THSD7B: variants seen among roughly 807,000 people sequenced by gnomAD.
THSD7B encodes the protein thrombospondin type 1 domain containing 7B.
Under a neutral mutation model 213.6 loss-of-function variants are expected in THSD7B, and 138 were observed. The observed-to-expected ratio is 0.65, with a 90% confidence interval of 0.56 to 0.74. The LOEUF is 0.74. Among genes scored for constraint, THSD7B ranks in the 30% least tolerant of loss-of-function variants. THSD7B has a pLI of 0.00. For synonymous variants in THSD7B, 742 were observed against 687.0 expected, an observed-to-expected ratio of 1.08 and a Z score of -1.25; for missense variants, 1,931 against 1,991.5, an observed-to-expected ratio of 0.97 and a Z score of 0.58.
At chr2:137,509,727 C>T (rs1430477422) in intron 15 of THSD7B, among the ~76,000 whole-genome samples, 1 of 152,144 alleles carries the variant, frequency 6.6e-6, no homozygotes, top group East Asian at 1.9e-4. Flanking sequence ...AGTTTTAGAA[C>T]ATTTCTATTA....
chr2:136,960,849 G>A (rs1372934455), intron 2 of THSD7B, among the ~76,000 whole-genome samples: 3 of 151,586 alleles, frequency 2.0e-5, no homozygotes, highest in East Asian at 4.0e-4. Flanking sequence ...CAGCTCTTAG[G>A]GAGGCCGAGG....
At chr2:137,508,957 T>A (rs2105148725) in intron 15 of THSD7B, among the ~76,000 whole-genome samples, 1 of 152,224 alleles carries the variant, frequency 6.6e-6, no homozygotes, top group Non-Finnish European at 1.5e-5. Context: ...CGTGCAGAGT[T>A]AAGCAGCGCT....
chr2:137,343,127 T>C (rs1684800156), intron 12 of THSD7B, among the ~76,000 whole-genome samples: 1 of 151,668 alleles, frequency 6.6e-6, no homozygotes, highest in South Asian at 2.1e-4. Context: ...GCAGGTTTGT[T>C]TTATTTTTTT....
chr2:137,246,659 AT>A (rs1371801954), intron 10 of THSD7B, among the ~76,000 whole-genome samples: 3 of 151,916 alleles, frequency 2.0e-5, no homozygotes, highest in Non-Finnish European at 4.4e-5. Flanking sequence ...ATAGTCTCAT[AT>A]TTTTCTAAGC....
chr2:137,197,234 A>G (rs182401878), intron 7 of THSD7B, among the ~76,000 whole-genome samples: 1 of 152,312 alleles, frequency 6.6e-6, no homozygotes, highest in East Asian at 1.9e-4. Flanking sequence ...AGGCGACAGC[A>G]TTATTTCCAG....
At chr2:137,469,555 TACAATC>T (rs1216269987) in intron 15 of THSD7B, among the ~76,000 whole-genome samples, 9 of 152,206 alleles carry the variant, frequency 5.9e-5, no homozygotes, top group African/African-American at 2.2e-4. Context: ...TGTGCTTAAA[TACAATC>T]ACTTTGCATC....
chr2:136,930,886 C>T (rs527841506), intron 2 of THSD7B, among the ~76,000 whole-genome samples: 28 of 152,108 alleles, frequency 1.8e-4, no homozygotes, highest in African/African-American at 5.8e-4. Flanking sequence ...GCCTAAGAGA[C>T]GTCTGCCCCT....
chr2:137,091,491 T>TTTTTATTTTATTTTA (rs10660951), intron 3 of THSD7B, among the ~76,000 whole-genome samples: 1,545 of 150,740 alleles, frequency 0.01, 19 homozygotes, highest in Middle Eastern at 0.024. Flanking sequence ...AAACAACAGA[T>TTTTTATTTTATTTTA]TTTTATTTTA....
chr2:137,190,966 C>T (rs1484260738), intron 7 of THSD7B, among the ~76,000 whole-genome samples: 11 of 152,168 alleles, frequency 7.2e-5, no homozygotes, highest in African/African-American at 2.7e-4. Flanking sequence ...TAAGCCAGGA[C>T]TGAGAGACGC....
chr2:137,512,333 A>T (rs1679977956), intron 15 of THSD7B: 1 of 146,274 alleles, frequency 6.8e-6, no homozygotes, highest in African/African-American at 2.6e-5. Context: ...GTATCAGAAT[A>T]TATGTAAGTT....
intron 7 of THSD7B, among the ~76,000 whole-genome samples, chr2:137,198,131 T>C (rs2196342): frequency 0.92 from 140,755 of 152,242 alleles, 65,322 homozygotes; most frequent in Middle Eastern, 0.98. Context: ...AAAAGAGAAA[T>C]GGAAATACTA....
intron 15 of THSD7B, among the ~76,000 whole-genome samples, chr2:137,504,500 C>T (rs1679788706): frequency 6.6e-6 from 1 of 152,178 alleles, no homozygotes; most frequent in African/African-American, 2.4e-5. Flanking sequence ...TCCAAAATAG[C>T]AGCAAGTCTA....
In THSD7B at chr2:137,205,018, C is replaced by T. The variant is rs74521968; in HGVS notation, c.1724-26026C>T. Among the ~76,000 whole-genome samples the T allele has an allele frequency of 5.7e-3, 862 of 152,128 alleles. 11 individuals are homozygous for T. The highest frequency in any genetic ancestry group is 0.02 in the African/African-American group (815 of 41,538). On this transcript the variant is annotated intron_variant, in intron 7 of 27. Coordinates refer to ENST00000409968, the MANE Select transcript of THSD7B (RefSeq NM_001316349.2). The stretch of plus-strand genomic sequence containing the variant: ...GAGGCTAGGTTAGAATGCACCCACA[C>T]GGATGACCCAAAAGTTTTCTTCTGT...
At chr2:137,221,286 C>A (rs544372237) in intron 7 of THSD7B, among the ~76,000 whole-genome samples, 10 of 151,078 alleles carry the variant, frequency 6.6e-5, no homozygotes, top group African/African-American at 2.4e-4. Context: ...GGCTCCGTCT[C>A]AAAAAAAACA....
At chr2:137,538,344 G>A (rs1295350857) in intron 15 of THSD7B, 1 of 349,168 alleles carries the variant, frequency 2.9e-6, no homozygotes, top group Non-Finnish European at 5.6e-6. Flanking sequence ...AATTGTAGCT[G>A]AAAAATAGCC....
rs137882799 is a variant in THSD7B at position 137,153,585 on chromosome 2, G to A, written c.1370-6628G>A. Among the ~76,000 whole-genome samples the A allele has an allele frequency of 2.9e-4, 44 of 152,228 alleles. 1 individual carries two copies. Among genetic ancestry groups the A allele is most frequent in the African/African-American group, 8.9e-4 (37 of 41,554 alleles). ...AGACAGATTTTATTCTATTTACTAA[G>A]TTAAAAGACTGATTCATTGTTTTGC... On this transcript the variant is annotated intron_variant, in intron 5 of 27. Coordinates refer to ENST00000409968, the MANE Select transcript of THSD7B (RefSeq NM_001316349.2).
chr2:137,356,943 C>CACAT, intron 12 of THSD7B, among the ~76,000 whole-genome samples: 1 of 114,904 alleles, frequency 8.7e-6, no homozygotes, highest in Non-Finnish European at 1.8e-5. Context: ...GACACACACA[C>CACAT]ACATACACAC....
chr2:136,908,996 C>T (rs1047732827), intron 2 of THSD7B, among the ~76,000 whole-genome samples: 6 of 152,194 alleles, frequency 3.9e-5, no homozygotes, highest in African/African-American at 1.4e-4. Flanking sequence ...GCCTGACCAA[C>T]ATGGCAAGAC....
chr2:137,020,512 G>A (rs1207397170), intron 2 of THSD7B, among the ~76,000 whole-genome samples: 1 of 152,132 alleles, frequency 6.6e-6, no homozygotes, highest in African/African-American at 2.4e-5. Flanking sequence ...GAACACGCAT[G>A]TACATAGCAC....
Sources: gnomAD v4.1 joint callset for allele counts (sites outside exome capture counted in the v4.1 genomes callset) on GRCh38, gnomAD v4.1.1 for gene constraint, MANE v1.5 for transcripts, NCBI Gene and HGNC (gene_info 2026-07-23, HGNC 2026-07-21) for gene names.